PARP8: variants seen among roughly 807,000 people sequenced by gnomAD.
PARP8 encodes the protein poly(ADP-ribose) polymerase family member 8.
In PARP8, 51 loss-of-function variants were observed where a neutral mutation model predicts 124.1. The observed-to-expected ratio is 0.41, with a 90% CI of 0.33 to 0.52. PARP8 has a LOEUF of 0.52. PARP8 is among the 20% of genes least tolerant of loss of function. The pLI is 0.21. For missense variants in PARP8, 860 were observed against 1,018.9 expected (o/e 0.84, Z 2.12); for synonymous variants, 391 against 361.5 (o/e 1.08, Z -0.93).
At chr5:50,700,862 C>A (rs1753520905) in intron 2 of PARP8, among the ~76,000 whole-genome samples, 1 of 152,084 alleles carries the variant, frequency 6.6e-6, no homozygotes, top group Non-Finnish European at 1.5e-5. Context: ...TCAGGATAAT[C>A]ATTATGCTCG....
chr5:50,810,321 T>A (rs866220991), intron 14 of PARP8, among the ~76,000 whole-genome samples: 2 of 152,048 alleles, frequency 1.3e-5, no homozygotes, highest in Admixed American at 6.6e-5. Flanking sequence ...AATGAATTAA[T>A]AAGTAATATA....
At chr5:50,718,892 C>G (rs113528840) in intron 2 of PARP8, among the ~76,000 whole-genome samples, 2,247 of 152,100 alleles carry the variant, frequency 0.015, 58 homozygotes, top group African/African-American at 0.052. Context: ...TGAGGAACGT[C>G]TGTACTCTTC....
intron 14 of PARP8, among the ~76,000 whole-genome samples, chr5:50,802,256 C>T (rs2149666264): frequency 6.6e-6 from 1 of 152,138 alleles, no homozygotes; most frequent in East Asian, 1.9e-4. Flanking sequence ...TTAGTGATTG[C>T]TCTAGGGATT....
At position 50,750,195 on chromosome 5, in the gene PARP8, T is replaced by C. The variant is rs1317126405; in HGVS notation, c.184+7T>C. On this transcript the variant is annotated splice_region_variant and intron_variant, in intron 3 of 25. Coordinates refer to ENST00000281631, the MANE Select transcript of PARP8 (RefSeq NM_024615.4). Reference sequence around the variant, plus strand: ...GTATCTGAAGATTACCCAGGTATGCTTTTCTTGTTTTATTACAGATATTCG... The same window carrying C: ...GTATCTGAAGATTACCCAGGTATGCCTTTCTTGTTTTATTACAGATATTCG... 6.3e-7 allele frequency: 1 copy of C among 1,581,000 alleles called. No individual in the cohort carries two copies. Among genetic ancestry groups the C allele is most frequent in the Non-Finnish European group, 8.7e-7 (1 of 1,151,286 alleles).
chr5:50,724,189 G>C (rs1756185240), intron 2 of PARP8, among the ~76,000 whole-genome samples: 1 of 152,022 alleles, frequency 6.6e-6, no homozygotes. Context: ...AAATACGATT[G>C]TCTGTTTATA....
intron 19 of PARP8, among the ~76,000 whole-genome samples, chr5:50,827,083 TG>T (rs1746432732): frequency 1.3e-5 from 2 of 152,276 alleles, no homozygotes; most frequent in Admixed American, 1.3e-4. Context: ...AAATATTATA[TG>T]GAGATTAACC....
rs1185229317 is a variant in PARP8, at chr5:50,795,076, T to C, written c.1087T>C (p.Leu363=). 1 of 1,614,192 alleles carries C rather than the reference T, an allele frequency of 6.2e-7. No homozygotes were observed. Among genetic ancestry groups the C allele is most frequent in the Admixed American group, 1.7e-5 (1 of 60,020 alleles). The change falls in exon 12 of 26, where the codon TTG becomes CTG. Residue 363 remains leucine (L), a synonymous_variant. Coordinates refer to ENST00000281631, the MANE Select transcript of PARP8 (RefSeq NM_024615.4). ...AMTAIKSHKL[L]NRPCPAAVKS... is the part of the protein sequence containing the mutation. ...GACAGCAATTAAATCGCACAAACTTTTGAACCGTCCTTGCCCTGCAGCTGT... is the reference window on the plus strand; with the variant it reads ...GACAGCAATTAAATCGCACAAACTTCTGAACCGTCCTTGCCCTGCAGCTGT...
intron 2 of PARP8, among the ~76,000 whole-genome samples, chr5:50,685,742 A>G (rs1751788823): frequency 6.6e-6 from 1 of 152,218 alleles, no homozygotes; most frequent in African/African-American, 2.4e-5. Context: ...TTACAGTTCC[A>G]TGTGGCCTGG....
rs1746922621 is a variant in PARP8, at chr5:50,831,132, A to T, written c.2233+1171A>T. Among the ~76,000 whole-genome samples the T allele has an allele frequency of 2.6e-5, 4 of 152,344 alleles. 1 individual carries two copies. In the South Asian group the frequency reaches 8.3e-4, roughly 32 times the overall value. On this transcript the variant is annotated intron_variant, in intron 22 of 25. Transcript: ENST00000281631. ...TAAATGGTAAAATGCTGATGGAAAGAAAACTTTAAAAAATGAGAAGGTTGC... is the reference window on the plus strand; with the variant it reads ...TAAATGGTAAAATGCTGATGGAAAGTAAACTTTAAAAAATGAGAAGGTTGC...
chr5:50,782,002 A>G (rs534519388), intron 9 of PARP8, among the ~76,000 whole-genome samples: 1 of 152,274 alleles, frequency 6.6e-6, no homozygotes, highest in South Asian at 2.1e-4. Flanking sequence ...TTCTGAGAGA[A>G]CTTGACCTAA....
intron 2 of PARP8, among the ~76,000 whole-genome samples, chr5:50,723,996 C>A (rs978557062): frequency 3.3e-5 from 5 of 151,964 alleles, no homozygotes; most frequent in Non-Finnish European, 5.9e-5. Flanking sequence ...AAAAAAGAAT[C>A]ATTTTCACAA....
chr5:50,778,211 T>A, intron 8 of PARP8, 82 bp downstream of exon 8: 1 of 1,096,500 alleles, frequency 9.1e-7, no homozygotes, highest in Non-Finnish European at 1.3e-6. Flanking sequence ...AATTTTCAGT[T>A]TTGTCTTATA....
At chr5:50,808,766 A>G (rs2031890592) in intron 14 of PARP8, among the ~76,000 whole-genome samples, 1 of 152,032 alleles carries the variant, frequency 6.6e-6, no homozygotes, top group Non-Finnish European at 1.5e-5. Flanking sequence ...GTTTTCTTTC[A>G]CAAAGACATT....
At chr5:50,794,496 A>G (rs570386389) in intron 11 of PARP8, among the ~76,000 whole-genome samples, 164 bp downstream of exon 11, 9 of 152,318 alleles carry the variant, frequency 5.9e-5, no homozygotes, top group African/African-American at 1.7e-4. Context: ...ATTCATTTCT[A>G]TGTTTAGAGT....
intron 1 of PARP8, 130 bp from the exon 2 acceptor site, chr5:50,667,941 C>G: frequency 6.4e-7 from 1 of 1,562,676 alleles, no homozygotes; most frequent in South Asian, 1.2e-5. Context: ...AGGGACCTCG[C>G]CGCCCTCTAG....
intron 2 of PARP8, chr5:50,741,873 G>A (rs757015179): frequency 1.8e-5 from 8 of 439,658 alleles, no homozygotes; most frequent in South Asian, 6.4e-5. Context: ...GCAATAGCGC[G>A]ATCTCAGCTC....
intron 7 of PARP8, among the ~76,000 whole-genome samples, chr5:50,769,490 A>T (rs1266746678): frequency 6.6e-6 from 1 of 152,074 alleles, no homozygotes; most frequent in Non-Finnish European, 1.5e-5. Context: ...AAAGTAACTA[A>T]ACAACATACA....
chr5:50,828,729 T>TTATATA (rs60312448), intron 21 of PARP8, among the ~76,000 whole-genome samples: 13,820 of 146,010 alleles, frequency 0.095, 677 homozygotes, highest in South Asian at 0.13. Context: ...AAAATACAAA[T>TTATATA]TATATATATA....
intron 3 of PARP8, among the ~76,000 whole-genome samples, chr5:50,752,902 T>A (rs944298216): frequency 3.3e-5 from 5 of 152,074 alleles, no homozygotes; most frequent in Admixed American, 2.6e-4. Context: ...AACAGATTTG[T>A]CCTTTTATAA....
Sources: allele counts gnomAD v4.1 joint callset (sites outside exome capture counted in the v4.1 genomes callset), GRCh38; gene constraint gnomAD v4.1.1; transcripts MANE v1.5; gene names NCBI Gene and HGNC (gene_info 2026-07-23, HGNC 2026-07-21).